SYTL3: variants seen among roughly 807,000 people sequenced by gnomAD.
SYTL3 encodes synaptotagmin-like protein 3.
Under a neutral mutation model 82.1 loss-of-function variants are expected in SYTL3, and 88 were observed. The ratio of observed to expected loss-of-function variants is 1.07; its 90% CI spans 0.90 to 1.28. The LOEUF (loss-of-function observed/expected upper bound fraction) is 1.28, where lower values mean the gene tolerates loss of function less well. Among genes scored for constraint, SYTL3 ranks in the 50% most tolerant of loss-of-function variants. The probability of loss-of-function intolerance (pLI) is 0.00; values close to 1 mark genes in which losing one functional copy is unlikely to be tolerated. For missense variants in SYTL3, 831 were observed against 757.6 expected (o/e 1.10, Z -1.14); for synonymous variants, 311 against 289.4 (o/e 1.07, Z -0.76).
intron 17 of SYTL3, 57 bp from the exon 18 acceptor site, chr6:158,764,438 G>A: frequency 7.8e-7 from 1 of 1,290,246 alleles, no homozygotes. Flanking sequence ...AAAGGGATGA[G>A]AGGGGATGAA....
chr6:158,732,742 C>CA (rs1246807311), intron 11 of SYTL3, among the ~76,000 whole-genome samples: 1 of 152,102 alleles, frequency 6.6e-6, no homozygotes, highest in East Asian at 1.9e-4. Context: ...AGAGCTAACC[C>CA]ATCAGTCCAC....
At chr6:158,666,488 A>G (rs904534356) in intron 5 of SYTL3, among the ~76,000 whole-genome samples, 9 of 152,208 alleles carry the variant, frequency 5.9e-5, no homozygotes, top group African/African-American at 2.2e-4. Flanking sequence ...TGAACTGGCC[A>G]TGAGCTCCGT....
At chr6:158,691,438 A>G (rs1324257656) in intron 6 of SYTL3, among the ~76,000 whole-genome samples, 2 of 152,164 alleles carry the variant, frequency 1.3e-5, no homozygotes, top group Non-Finnish European at 2.9e-5. Context: ...AACAATTATG[A>G]TAGAACTTTT....
intron 5 of SYTL3, among the ~76,000 whole-genome samples, chr6:158,679,630 T>C (rs991121279): frequency 5.3e-5 from 8 of 152,180 alleles, no homozygotes; most frequent in Admixed American, 3.9e-4. Flanking sequence ...TGCCCAAATC[T>C]CTATATGCCA....
chr6:158,685,665 A>G (rs1779220788), intron 6 of SYTL3, among the ~76,000 whole-genome samples: 1 of 152,086 alleles, frequency 6.6e-6, no homozygotes, highest in South Asian at 2.1e-4. Context: ...CTAAAAATAC[A>G]AAATTAGCCG....
At chr6:158,685,123 C>T (rs1262370664) in intron 6 of SYTL3, among the ~76,000 whole-genome samples, 3 of 152,002 alleles carry the variant, frequency 2.0e-5, no homozygotes, top group African/African-American at 4.8e-5. Context: ...TTAGGGGTGC[C>T]GTCATCCCAT....
intron 2 of SYTL3, among the ~76,000 whole-genome samples, chr6:158,654,121 G>A (rs1325225647): frequency 2.6e-5 from 4 of 152,142 alleles, no homozygotes; most frequent in East Asian, 1.9e-4. Context: ...GTCCCCTGGC[G>A]GAGCTGTCCC....
At chr6:158,704,332 T>G (rs147485916) in intron 6 of SYTL3, among the ~76,000 whole-genome samples, 2 of 152,328 alleles carry the variant, frequency 1.3e-5, no homozygotes, top group East Asian at 3.9e-4. Flanking sequence ...TCTCCAGCCT[T>G]GACCCAGGCC....
At chr6:158,656,538 A>T (rs1788697755) in intron 2 of SYTL3, among the ~76,000 whole-genome samples, 2 of 152,110 alleles carry the variant, frequency 1.3e-5, no homozygotes, top group Non-Finnish European at 2.9e-5. Flanking sequence ...ATCCTGGCTG[A>T]CACGGTGAAA....
At chr6:158,751,540 T>C (rs1788385749) in intron 12 of SYTL3, among the ~76,000 whole-genome samples, 1 of 152,196 alleles carries the variant, frequency 6.6e-6, no homozygotes, top group African/African-American at 2.4e-5. Flanking sequence ...ACTTCCACTT[T>C]TTTTTCTTTT....
chr6:158,685,169 C>T (rs1344394334), intron 6 of SYTL3, among the ~76,000 whole-genome samples: 1 of 151,588 alleles, frequency 6.6e-6, no homozygotes, highest in African/African-American at 2.4e-5. Context: ...AACTGCAGCA[C>T]AGGACTTTTC....
chr6:158,712,542 A>C (rs138193112), intron 8 of SYTL3, among the ~76,000 whole-genome samples: 670 of 152,304 alleles, frequency 4.4e-3, no homozygotes, highest in Non-Finnish European at 7.2e-3. Context: ...ACATGATGCA[A>C]CTATCCCATA....
chr6:158,657,920 T>C (rs1788893671), intron 2 of SYTL3, among the ~76,000 whole-genome samples: 1 of 151,440 alleles, frequency 6.6e-6, no homozygotes, highest in South Asian at 2.1e-4. Flanking sequence ...TGAGACGGAG[T>C]CTTGCTCTGT....
In SYTL3 at chr6:158,700,899, A is replaced by G. The variant is rs529828205; in HGVS notation, c.395-6331A>G. Among the ~76,000 whole-genome samples the G allele has an allele frequency of 8.5e-5, 13 of 152,308 alleles. No homozygotes were observed. The South Asian group carries it at 1.0e-3, about 12-fold the overall frequency. ...CCAAGGTGCTGGGATTACAGGCATGAGCCACCGCACCTGGCCTGTTGTATT... is the reference window on the plus strand; with the variant it reads ...CCAAGGTGCTGGGATTACAGGCATGGGCCACCGCACCTGGCCTGTTGTATT... On this transcript the variant is annotated intron_variant, in intron 6 of 17. Coordinates refer to ENST00000611299, the MANE Select transcript of SYTL3 (RefSeq NM_001242394.2).
At position 158,761,517 on chromosome 6, in the gene SYTL3, C is replaced by A. The variant is rs977184466; in HGVS notation, c.1415-559C>A. On this transcript the variant is annotated intron_variant, in intron 15 of 17. Coordinates refer to ENST00000611299, the MANE Select transcript of SYTL3 (RefSeq NM_001242394.2). ...TAGAGACAGGGTTTCACCATGTTAG[C>A]CAGGATGGTCTCGATCTCCTGACCT... Among the ~76,000 whole-genome samples the A allele has an allele frequency of 2.6e-5, 4 of 151,860 alleles. No homozygotes were observed. The South Asian group carries it at 8.3e-4, about 32-fold the overall frequency.
At chr6:158,718,013 C>A in intron 9 of SYTL3, 74 bp from the exon 10 acceptor site, 1 of 1,413,496 alleles carries the variant, frequency 7.1e-7, no homozygotes, top group Non-Finnish European at 9.3e-7. Context: ...GTTCAGTGAA[C>A]CCCAGAAGAG....
At chr6:158,671,747 A>AAAG (rs3063478) in intron 5 of SYTL3, among the ~76,000 whole-genome samples, 78,596 of 148,984 alleles carry the variant, frequency 0.53, 22,356 homozygotes, top group East Asian at 0.86. Flanking sequence ...AAAAAAAAAA[A>AAAG]AAGATAATTA....
At chr6:158,762,530 T>C (rs2171209) in intron 16 of SYTL3, among the ~76,000 whole-genome samples, 116,224 of 152,068 alleles carry the variant, frequency 0.76, 46,059 homozygotes, top group African/African-American at 0.86. Flanking sequence ...TCATTCAGTA[T>C]AGGTGCATTG....
upstream of SYTL3, among the ~76,000 whole-genome samples, chr6:158,647,025 G>T (rs577411815): frequency 1.7e-4 from 26 of 152,288 alleles, no homozygotes; most frequent in Admixed American, 4.6e-4. Context: ...GAGTAAACCG[G>T]TTCTGAGCAA....
Sources: gnomAD v4.1 joint callset for allele counts (sites outside exome capture counted in the v4.1 genomes callset) on GRCh38, gnomAD v4.1.1 for gene constraint, MANE v1.5 for transcripts, NCBI Gene and HGNC (gene_info 2026-07-23, HGNC 2026-07-21) for gene names.